SAMD5: variants seen among roughly 807,000 people sequenced by gnomAD.
SAMD5 encodes sterile alpha motif domain-containing protein 5.
Under a neutral mutation model 11.3 loss-of-function variants are expected in SAMD5, and 13 were observed. The ratio of observed to expected loss-of-function variants is 1.15; its 90% CI spans 0.75 to 1.83. The LOEUF is 1.83. Ranked by LOEUF, SAMD5 falls within the 40% of genes most tolerant of loss-of-function variation. SAMD5 has a pLI of 0.00. For synonymous variants in SAMD5, 129 were observed against 111.3 expected (o/e 1.16, Z -1.00); for missense variants, 255 against 239.1 (o/e 1.07, Z -0.44).
intron 1 of SAMD5, among the ~76,000 whole-genome samples, chr6:147,696,146 C>G (rs1791172720): frequency 6.6e-6 from 1 of 152,034 alleles, no homozygotes; most frequent in Non-Finnish European, 1.5e-5. Flanking sequence ...CTTCTGTGCT[C>G]TTTGTCTCAA....
At chr6:147,668,678 T>C (rs967986031) in intron 1 of SAMD5, among the ~76,000 whole-genome samples, 1 of 151,894 alleles carries the variant, frequency 6.6e-6, no homozygotes, top group Non-Finnish European at 1.5e-5. Context: ...ACCCCGTCTC[T>C]ACTAAAAATA....
chr6:147,802,428 G>A, the SAMD5 span, among the ~76,000 whole-genome samples: 1 of 152,172 alleles, frequency 6.6e-6, no homozygotes. Context: ...GCAAGGATGT[G>A]GAACAACTCG....
Position 147,567,495 on chromosome 6 carries a change from A to G in SAMD5, c.*3039A>G. ...GCTTGGGGAATCATCTTGAACAGTT[A>G]TGAAACTCATTAAAGCTTCTTTTCC... On this transcript the variant is annotated 3_prime_UTR_variant, in exon 2 of 2. Coordinates refer to ENST00000367474, the MANE Select transcript of SAMD5 (RefSeq NM_001030060.3). 1 of 962,682 alleles carries G rather than the reference A, an allele frequency of 1.0e-6. No homozygotes were observed. Among genetic ancestry groups the G allele is most frequent in the Non-Finnish European group, 1.2e-6 (1 of 809,076 alleles). 59.6% of individuals were successfully genotyped at this position (962,682 alleles called of 1,614,324 possible). A position where few individuals can be genotyped will look rare whatever the true frequency, so the allele number is the denominator to read the frequency against.
chr6:147,600,386 T>A (rs1033658072), intron 1 of SAMD5, among the ~76,000 whole-genome samples: 12 of 152,174 alleles, frequency 7.9e-5, no homozygotes, highest in Admixed American at 2.0e-4. Context: ...AAACTTTTCT[T>A]TGATGTTTCT....
intron 1 of SAMD5, among the ~76,000 whole-genome samples, chr6:147,630,853 G>A (rs1015439913): frequency 4.6e-5 from 7 of 152,078 alleles, no homozygotes; most frequent in Admixed American, 6.6e-5. Context: ...GAGGAGATGC[G>A]TTTTATCCAT....
chr6:147,870,482 G>GTGTA, the SAMD5 span, among the ~76,000 whole-genome samples: 527 of 135,322 alleles, frequency 3.9e-3, 1 homozygote, highest in African/African-American at 0.012. Flanking sequence ...GTGTGTGTGT[G>GTGTA]TATATATATA....
chr6:147,738,634 A>G (rs1791838443), downstream of SAMD5, among the ~76,000 whole-genome samples: 1 of 152,172 alleles, frequency 6.6e-6, no homozygotes, highest in African/African-American at 2.4e-5. Context: ...AGTAATTGAC[A>G]TAGGGGCCTG....
chr6:147,554,362 G>A (rs151004290), intron 1 of SAMD5, among the ~76,000 whole-genome samples: 31 of 152,290 alleles, frequency 2.0e-4, no homozygotes, highest in African/African-American at 6.7e-4. Context: ...GGAAAGAATC[G>A]CTAAAGAGGA....
At chr6:147,551,834 A>G (rs1341084608) in intron 1 of SAMD5, among the ~76,000 whole-genome samples, 3 of 144,682 alleles carry the variant, frequency 2.1e-5, no homozygotes, top group African/African-American at 2.6e-5. Flanking sequence ...ATATATATAT[A>G]TATGTATATA....
the SAMD5 span, among the ~76,000 whole-genome samples, chr6:147,944,090 G>C: frequency 6.6e-6 from 1 of 152,110 alleles, no homozygotes; most frequent in African/African-American, 2.4e-5. Flanking sequence ...CATAGACTGT[G>C]ATTGAGGCAG....
At chr6:147,775,422 T>C in the SAMD5 span, among the ~76,000 whole-genome samples, 1 of 152,200 alleles carries the variant, frequency 6.6e-6, no homozygotes, top group Non-Finnish European at 1.5e-5. Flanking sequence ...AAGATAAGCT[T>C]TTAATAAAGT....
chr6:147,702,688 T>G (rs1181984862), intron 1 of SAMD5, among the ~76,000 whole-genome samples: 1 of 152,204 alleles, frequency 6.6e-6, no homozygotes, highest in African/African-American at 2.4e-5. Context: ...GGGTGCAAGC[T>G]CTCTTGCTGT....
At chr6:147,641,216 CA>C (rs1176781789) in intron 1 of SAMD5, among the ~76,000 whole-genome samples, 1 of 152,142 alleles carries the variant, frequency 6.6e-6, no homozygotes, top group Non-Finnish European at 1.5e-5. Flanking sequence ...ATATCTGATT[CA>C]AATATGGATG....
intron 1 of SAMD5, among the ~76,000 whole-genome samples, chr6:147,603,739 AT>A (rs1554236232): frequency 6.6e-6 from 1 of 152,008 alleles, no homozygotes; most frequent in Non-Finnish European, 1.5e-5. Context: ...GTAAATTGAC[AT>A]TTGGCATATT....
chr6:147,776,067 C>T, the SAMD5 span, among the ~76,000 whole-genome samples: 1 of 152,282 alleles, frequency 6.6e-6, no homozygotes, highest in East Asian at 1.9e-4. Flanking sequence ...ATAGACTAGA[C>T]ATTGAGAAGA....
intron 1 of SAMD5, among the ~76,000 whole-genome samples, chr6:147,542,240 G>A (rs1260423841): frequency 6.6e-6 from 1 of 152,214 alleles, no homozygotes; most frequent in Non-Finnish European, 1.5e-5. Flanking sequence ...GAACTAGGTG[G>A]CCGCTTGGGC....
At chr6:147,922,658 A>G in the SAMD5 span, among the ~76,000 whole-genome samples, 532 of 152,310 alleles carry the variant, frequency 3.5e-3, 3 homozygotes, top group African/African-American at 0.012. Context: ...CTAAAAATCC[A>G]GACATTCGAT....
At chr6:147,563,788 A>G (rs992440397) in intron 1 of SAMD5, among the ~76,000 whole-genome samples, 1 of 152,266 alleles carries the variant, frequency 6.6e-6, no homozygotes, top group Non-Finnish European at 1.5e-5. Context: ...TTTGTAAGAA[A>G]TACTTAATTA....
At chr6:147,577,189 C>T (rs1173493749) in intron 1 of SAMD5, among the ~76,000 whole-genome samples, 1 of 152,162 alleles carries the variant, frequency 6.6e-6, no homozygotes, top group Non-Finnish European at 1.5e-5. Flanking sequence ...GTGAGGCAAG[C>T]TAACATCGTC....
Sources: allele counts gnomAD v4.1 joint callset (sites outside exome capture counted in the v4.1 genomes callset), GRCh38; gene constraint gnomAD v4.1.1; transcripts MANE v1.5; gene names NCBI Gene and HGNC (gene_info 2026-07-23, HGNC 2026-07-21).